Variants in ZNF484 observed in about 807,000 individuals in gnomAD.
ZNF484 encodes zinc finger protein 484.
ZNF484 carries 11 observed loss-of-function variants against 12.9 expected under a neutral mutation model. That is an observed-to-expected ratio of 0.85 (90% CI 0.54 to 1.41). ZNF484 has a LOEUF of 1.41. ZNF484 is among the 40% of genes most tolerant of loss of function. The pLI is 0.00. For missense variants in ZNF484, 807 were observed against 1,007.7 expected, an observed-to-expected ratio of 0.80 and a Z score of 2.70; for synonymous variants, 289 against 334.1, an observed-to-expected ratio of 0.86 and a Z score of 1.47.
At chr9:92,869,087 G>A (rs1041214593) in intron 2 of ZNF484, among the ~76,000 whole-genome samples, 3 of 151,928 alleles carry the variant, frequency 2.0e-5, no homozygotes, top group South Asian at 2.1e-4. Context: ...GCAATAACTC[G>A]TAGGGGTTGT....
intron 2 of ZNF484, among the ~76,000 whole-genome samples, chr9:92,867,113 G>C (rs1055739497): frequency 2.0e-5 from 3 of 152,204 alleles, no homozygotes; most frequent in African/African-American, 7.2e-5. Context: ...ACTTTGGGAG[G>C]CCAAGGTGGG....
chr9:92,877,702 C>G lies in ZNF484; in HGVS notation c.-31+188G>C, dbSNP rs567490206. 1.2e-4 allele frequency: 161 copies of G among 1,369,056 alleles called. No homozygotes were observed. In the South Asian group the frequency reaches 1.9e-3, roughly 16 times the overall value. 84.8% of individuals were successfully genotyped at this position (1,369,056 alleles called of 1,614,324 possible). A position where few individuals can be genotyped will look rare whatever the true frequency, so the allele number is the denominator to read the frequency against. On this transcript the variant is annotated intron_variant, in intron 1 of 4. Transcript: ENST00000375495. ...CAGAGACCCCCAGTCCGTCCTCACT[C>G]CGCCTGCAGATCCACCACCAGAGAC...
intron 2 of ZNF484, among the ~76,000 whole-genome samples, chr9:92,856,925 C>T (rs1161732097): frequency 1.3e-5 from 2 of 152,098 alleles, no homozygotes; most frequent in Non-Finnish European, 2.9e-5. Flanking sequence ...GGGGTTTCAC[C>T]GTGTTAGCCA....
chr9:92,870,970 G>A (rs560701799), intron 2 of ZNF484, among the ~76,000 whole-genome samples: 1 of 152,242 alleles, frequency 6.6e-6, no homozygotes, highest in South Asian at 2.1e-4. Flanking sequence ...CCCAGAGGAC[G>A]CCTGCTAAAA....
At chr9:92,871,102 A>G (rs1297970481) in intron 2 of ZNF484, among the ~76,000 whole-genome samples, 1 of 152,144 alleles carries the variant, frequency 6.6e-6, no homozygotes, top group African/African-American at 2.4e-5. Context: ...CAACCAATCA[A>G]CCGATACTAA....
At chr9:92,865,344 AAG>A (rs1491029515) in intron 2 of ZNF484, among the ~76,000 whole-genome samples, 3 of 152,218 alleles carry the variant, frequency 2.0e-5, no homozygotes, top group African/African-American at 4.8e-5. Flanking sequence ...GTTTAAAAAA[AAG>A]GGGGAGGAAT....
chr9:92,861,689 C>T lies in ZNF484; in HGVS notation c.16-5371G>A, dbSNP rs542845058. Among the ~76,000 whole-genome samples the T allele has an allele frequency of 2.0e-5, 3 of 152,116 alleles. No homozygotes were observed. In the South Asian group the frequency reaches 6.2e-4, roughly 32 times the overall value. On this transcript the variant is annotated intron_variant, in intron 2 of 4. Transcript: ENST00000375495. ...GCTGTATTCAGCCTAAGGGACCCAG[C>T]GGGACAATAACAGAACAGCCAACAA...
intron 2 of ZNF484, among the ~76,000 whole-genome samples, chr9:92,872,045 A>G (rs1281549461): frequency 6.6e-6 from 1 of 152,178 alleles, no homozygotes; most frequent in Non-Finnish European, 1.5e-5. Context: ...AGCCTGACCA[A>G]CATGGAGAAA....
chr9:92,875,964 A>T (rs1857780657), intron 1 of ZNF484, among the ~76,000 whole-genome samples: 1 of 152,244 alleles, frequency 6.6e-6, no homozygotes, highest in South Asian at 2.1e-4. Context: ...AGCATCTAAA[A>T]GACCACTTCT....
At chr9:92,857,727 A>C (rs1406879312) in intron 2 of ZNF484, among the ~76,000 whole-genome samples, 1 of 152,154 alleles carries the variant, frequency 6.6e-6, no homozygotes, top group Non-Finnish European at 1.5e-5. Context: ...ATTTGCTAAC[A>C]TAAGGAAAGA....
intron 2 of ZNF484, among the ~76,000 whole-genome samples, chr9:92,865,156 C>T (rs1856997953): frequency 6.6e-6 from 1 of 152,128 alleles, no homozygotes; most frequent in Admixed American, 6.6e-5. Context: ...AATGTAACAA[C>T]AGGCTGGGTG....
rs140222624 is a variant in ZNF484, at chr9:92,868,981, T to C, written c.15+6034A>G. On this transcript the variant is annotated intron_variant, in intron 2 of 4. Transcript: ENST00000375495. ...CCTCAAGTGATCCTCCTACCTTGGC[T>C]TCCTGAATAGCTGGGATTACACACA... 6.7e-3 allele frequency among the ~76,000 whole-genome samples: 1,018 copies of C among 152,200 alleles called. 8 individuals are homozygous for C. The highest frequency in any genetic ancestry group is 0.022 in the African/African-American group (933 of 41,526).
At chr9:92,852,797 A>G (rs1856189226) in intron 4 of ZNF484, among the ~76,000 whole-genome samples, 1 of 152,064 alleles carries the variant, frequency 6.6e-6, no homozygotes, top group African/African-American at 2.4e-5. Context: ...TCAGCCTCCC[A>G]AAGTGGTGGG....
chr9:92,859,327 A>T (rs1856647038), intron 2 of ZNF484, among the ~76,000 whole-genome samples: 1 of 152,146 alleles, frequency 6.6e-6, no homozygotes, highest in African/African-American at 2.4e-5. Context: ...ATCTAGAAAA[A>T]TACATAAAGC....
chr9:92,874,549 T>A (rs1355114299), intron 2 of ZNF484, among the ~76,000 whole-genome samples: 8 of 152,104 alleles, frequency 5.3e-5, no homozygotes, highest in Non-Finnish European at 1.2e-4. Flanking sequence ...TGATCTCATG[T>A]GATCCACCTG....
chr9:92,850,669 C>T (rs963096300), intron 4 of ZNF484, among the ~76,000 whole-genome samples: 10 of 152,106 alleles, frequency 6.6e-5, no homozygotes, highest in East Asian at 1.9e-4. Flanking sequence ...CTGCAACCTC[C>T]GCCTCCCGGG....
At chr9:92,852,522 G>A (rs1423225954) in intron 4 of ZNF484, among the ~76,000 whole-genome samples, 1 of 130,280 alleles carries the variant, frequency 7.7e-6, no homozygotes, top group Non-Finnish European at 1.6e-5. Flanking sequence ...GAGCCACCAC[G>A]CCCAGCCTTT....
chr9:92,876,270 G>A (rs1036072509), intron 1 of ZNF484, among the ~76,000 whole-genome samples: 4 of 152,028 alleles, frequency 2.6e-5, no homozygotes, highest in Non-Finnish European at 5.9e-5. Context: ...TGGAAACAAT[G>A]AGCAGAAATT....
chr9:92,851,669 C>T (rs1296463478), intron 4 of ZNF484, among the ~76,000 whole-genome samples: 1 of 152,248 alleles, frequency 6.6e-6, no homozygotes, highest in Non-Finnish European at 1.5e-5. Flanking sequence ...GACTAACACA[C>T]ATCTTTCCAT....
Sources: gnomAD v4.1 joint callset for allele counts (sites outside exome capture counted in the v4.1 genomes callset) on GRCh38, gnomAD v4.1.1 for gene constraint, MANE v1.5 for transcripts, NCBI Gene and HGNC (gene_info 2026-07-23, HGNC 2026-07-21) for gene names.